Variants in PPP1R12A observed in about 807,000 individuals in gnomAD.
PPP1R12A encodes the protein myosin binding subunit.
In PPP1R12A, 19 loss-of-function variants were observed where a neutral mutation model predicts 139.6. The observed-to-expected ratio is 0.14, with a 90% CI of 0.09 to 0.20. The LOEUF (loss-of-function observed/expected upper bound fraction) is 0.20. PPP1R12A is among the 10% of genes least tolerant of loss of function. The probability of loss-of-function intolerance (pLI) is 1.00; values close to 1 mark genes in which losing one functional copy is unlikely to be tolerated. For missense variants in PPP1R12A, 925 were observed against 1,211.5 expected, an observed-to-expected ratio of 0.76 and a Z score of 3.51; for synonymous variants, 427 against 420.6, an observed-to-expected ratio of 1.02 and a Z score of -0.19.
At chr12:79,866,055 C>T (rs184158468) in intron 2 of PPP1R12A, among the ~76,000 whole-genome samples, 1 of 152,288 alleles carries the variant, frequency 6.6e-6, no homozygotes, top group African/African-American at 2.4e-5. Context: ...ATCACACTAC[C>T]TGACTTCCAA....
intron 1 of PPP1R12A, among the ~76,000 whole-genome samples, chr12:79,914,715 C>G (rs1407730642): frequency 6.6e-6 from 1 of 151,974 alleles, no homozygotes; most frequent in East Asian, 1.9e-4. Flanking sequence ...TGAGATGGAT[C>G]ATTTGGTCCC....
chr12:79,823,011 A>T (rs1592670797), intron 5 of PPP1R12A, among the ~76,000 whole-genome samples: 1 of 152,064 alleles, frequency 6.6e-6, no homozygotes, highest in East Asian at 1.9e-4. Flanking sequence ...TAAAACTAAA[A>T]ATATATATAT....
intron 7 of PPP1R12A, 51 bp downstream of exon 7, chr12:79,821,027 T>A: frequency 6.3e-7 from 1 of 1,587,918 alleles, no homozygotes; most frequent in Non-Finnish European, 8.6e-7. Context: ...CTGTGGCCAC[T>A]ATGCCAACTC....
intron 1 of PPP1R12A, 57 bp from the exon 2 acceptor site, chr12:79,872,995 T>C: frequency 1.3e-6 from 2 of 1,507,520 alleles, no homozygotes; most frequent in Non-Finnish European, 1.8e-6. Context: ...CTCCAAATAA[T>C]ACATCAATAG....
At chr12:79,866,112 C>T (rs1881931545) in intron 2 of PPP1R12A, among the ~76,000 whole-genome samples, 1 of 152,058 alleles carries the variant, frequency 6.6e-6, no homozygotes, top group Admixed American at 6.6e-5. Context: ...GTACTGGTAC[C>T]AAAACAGATA....
chr12:79,840,397 C>G lies in PPP1R12A; in HGVS notation c.487+4905G>C, dbSNP rs187289066. 6.6e-5 allele frequency among the ~76,000 whole-genome samples: 10 copies of G among 152,298 alleles called. No homozygotes were observed. In the East Asian group the frequency reaches 1.9e-3, roughly 29 times the overall value. ...TCATCTACTAGTTCCCAGAACTCCC[C>G]CTCCTTATGGTTCTCCTAGATTTAC... On this transcript the variant is annotated intron_variant, in intron 3 of 24. Coordinates refer to ENST00000450142, the MANE Select transcript of PPP1R12A (RefSeq NM_002480.3).
intron 1 of PPP1R12A, among the ~76,000 whole-genome samples, chr12:79,915,183 A>T (rs938679901): frequency 1.3e-5 from 2 of 152,064 alleles, no homozygotes; most frequent in Non-Finnish European, 2.9e-5. Context: ...GAGTTCTGGG[A>T]ATCTTAGGGC....
Position 79,935,010 on chromosome 12 carries a change from G to T in PPP1R12A, c.-79C>A. 17 of 1,481,128 alleles carry T rather than the reference G, an allele frequency of 1.1e-5. No individual in the cohort carries two copies. The highest frequency in any genetic ancestry group is 1.4e-5 in the Non-Finnish European group (16 of 1,114,258). The allele number at this position is 1,481,128 out of a possible 1,614,324, so 91.7% of individuals were successfully genotyped here. ...AGAGGGAAGAGAGGGGAGGCAGGGGGTGTGTGAATGTTTCTATGAGTGCGG... is the reference window on the plus strand; with the variant it reads ...AGAGGGAAGAGAGGGGAGGCAGGGGTTGTGTGAATGTTTCTATGAGTGCGG... On this transcript the variant is annotated 5_prime_UTR_variant, in exon 1 of 25. Coordinates refer to ENST00000450142, the MANE Select transcript of PPP1R12A (RefSeq NM_002480.3).
intron 1 of PPP1R12A, among the ~76,000 whole-genome samples, chr12:79,897,217 A>G (rs1264371011): frequency 2.0e-5 from 3 of 152,232 alleles, no homozygotes; most frequent in Non-Finnish European, 4.4e-5. Flanking sequence ...ATAAAAAAAT[A>G]ACGAAATCAT....
intron 1 of PPP1R12A, among the ~76,000 whole-genome samples, chr12:79,895,565 A>T (rs1592787079): frequency 2.0e-5 from 3 of 152,282 alleles, no homozygotes; most frequent in East Asian, 3.9e-4. Context: ...GTTATGTCTG[A>T]TCCAAATGGA....
chr12:79,846,402 A>G (rs1879396651), intron 2 of PPP1R12A, among the ~76,000 whole-genome samples: 1 of 151,770 alleles, frequency 6.6e-6, no homozygotes, highest in African/African-American at 2.4e-5. Context: ...GATGTAACTA[A>G]CCATCTATTA....
intron 2 of PPP1R12A, among the ~76,000 whole-genome samples, chr12:79,856,781 T>C (rs1412827455): frequency 6.6e-6 from 1 of 152,222 alleles, no homozygotes; most frequent in African/African-American, 2.4e-5. Context: ...GTTTTGCATA[T>C]GACAGGCATT....
At chr12:79,872,508 C>T (rs1882682345) in intron 2 of PPP1R12A, among the ~76,000 whole-genome samples, 1 of 151,794 alleles carries the variant, frequency 6.6e-6, no homozygotes, top group Non-Finnish European at 1.5e-5. Context: ...AAGTATTAAC[C>T]CTCAATCATT....
chr12:79,857,536 C>T (rs1313201935), intron 2 of PPP1R12A, among the ~76,000 whole-genome samples: 1 of 151,742 alleles, frequency 6.6e-6, no homozygotes, highest in Admixed American at 6.6e-5. Context: ...CTAACCTGCA[C>T]ATTGTGCACA....
chr12:79,894,265 C>A (rs569812591), intron 1 of PPP1R12A, among the ~76,000 whole-genome samples: 12 of 152,166 alleles, frequency 7.9e-5, no homozygotes, highest in Admixed American at 2.0e-4. Context: ...AGACTACCAA[C>A]GCACAGAAGG....
intron 3 of PPP1R12A, among the ~76,000 whole-genome samples, chr12:79,842,584 T>C (rs1307744512): frequency 8.2e-6 from 1 of 121,486 alleles, no homozygotes; most frequent in Non-Finnish European, 1.5e-5. Context: ...TTTGTGTGTG[T>C]GTGTGTGTGT....
chr12:79,895,935 G>A (rs1322215099), intron 1 of PPP1R12A, among the ~76,000 whole-genome samples: 2 of 152,158 alleles, frequency 1.3e-5, no homozygotes, highest in Non-Finnish European at 2.9e-5. Flanking sequence ...GCCTAAGTAA[G>A]AGCAAGGCTT....
chr12:79,858,980 G>A (rs531029895), intron 2 of PPP1R12A, among the ~76,000 whole-genome samples: 5 of 152,132 alleles, frequency 3.3e-5, no homozygotes, highest in Admixed American at 1.3e-4. Context: ...TGGCTACAAC[G>A]CAAAATAATT....
At chr12:79,925,498 A>C (rs1887770370) in intron 1 of PPP1R12A, among the ~76,000 whole-genome samples, 1 of 152,220 alleles carries the variant, frequency 6.6e-6, no homozygotes, top group African/African-American at 2.4e-5. Context: ...GTTAAAGTAA[A>C]GCTTTTTATT....
Sources: allele counts gnomAD v4.1 joint callset (sites outside exome capture counted in the v4.1 genomes callset), GRCh38; gene constraint gnomAD v4.1.1; transcripts MANE v1.5; gene names NCBI Gene and HGNC (gene_info 2026-07-23, HGNC 2026-07-21).